Variants in SYT10 observed in about 807,000 individuals in gnomAD.
SYT10 encodes synaptotagmin 10, also known as synaptotagmin-10.
SYT10 carries 31 observed loss-of-function variants against 51.1 expected under a neutral mutation model. The observed-to-expected ratio is 0.61, with a 90% CI of 0.46 to 0.82. The LOEUF (loss-of-function observed/expected upper bound fraction) is 0.82, where lower values mean the gene tolerates loss of function less well. SYT10 is among the 40% of genes least tolerant of loss of function. The pLI is 0.00. For synonymous variants in SYT10, 233 were observed against 225.9 expected, an observed-to-expected ratio of 1.03 and a Z score of -0.28; for missense variants, 603 against 634.0, an observed-to-expected ratio of 0.95 and a Z score of 0.53.
rs1434515199 is a variant in SYT10 at position 33,380,011 on chromosome 12, G to A, written c.1371-50C>T. ...TTCATTTCCAACATTCAAAGATAAA[G>A]GGGGTTTCACAAATCGTAGTAGAAT... On this transcript the variant is annotated intron_variant, in intron 5 of 6. Coordinates refer to ENST00000228567, the MANE Select transcript of SYT10 (RefSeq NM_198992.4). The A allele has an allele frequency of 1.8e-5, 27 of 1,534,418 alleles. 1 individual carries two copies. Among genetic ancestry groups the A allele is most frequent in the Non-Finnish European group, 2.3e-5 (26 of 1,134,154 alleles).
At chr12:33,387,864 C>T (rs1866170722) in intron 3 of SYT10, among the ~76,000 whole-genome samples, 1 of 151,982 alleles carries the variant, frequency 6.6e-6, no homozygotes. Context: ...ATCCTCCCAC[C>T]ACAGCCTAGC....
intron 3 of SYT10, among the ~76,000 whole-genome samples, chr12:33,394,766 C>T (rs1866239184): frequency 6.6e-6 from 1 of 152,192 alleles, no homozygotes; most frequent in Non-Finnish European, 1.5e-5. Context: ...CCTGTACTTT[C>T]GTACTTTACT....
At chr12:33,383,818 C>G (rs1866136332) in intron 4 of SYT10, among the ~76,000 whole-genome samples, 4 of 152,080 alleles carry the variant, frequency 2.6e-5, no homozygotes, top group Non-Finnish European at 5.9e-5. Context: ...GCATGCGCTC[C>G]TCCGATGAAA....
At chr12:33,426,775 T>A (rs2138433413) in intron 1 of SYT10, among the ~76,000 whole-genome samples, 1 of 152,230 alleles carries the variant, frequency 6.6e-6, no homozygotes, top group East Asian at 1.9e-4. Context: ...GGTTCAAGAT[T>A]TTGCAAACAA....
chr12:33,416,038 T>A (rs1866450190), intron 2 of SYT10, among the ~76,000 whole-genome samples: 2 of 147,082 alleles, frequency 1.4e-5, no homozygotes, highest in African/African-American at 5.0e-5. Flanking sequence ...GCCAGTGAAG[T>A]AACAGTTTCC....
chr12:33,428,549 T>A (rs1866570599), intron 1 of SYT10, among the ~76,000 whole-genome samples: 2 of 152,154 alleles, frequency 1.3e-5, no homozygotes, highest in Admixed American at 6.5e-5. Flanking sequence ...AACAAGTATA[T>A]CTTTAGTGAA....
chr12:33,416,039 A>T (rs943573357), intron 2 of SYT10, among the ~76,000 whole-genome samples: 4 of 146,604 alleles, frequency 2.7e-5, no homozygotes, highest in Admixed American at 1.4e-4. Flanking sequence ...CCAGTGAAGT[A>T]ACAGTTTCCT....
chr12:33,381,646 A>AT (rs1299384939), intron 5 of SYT10, among the ~76,000 whole-genome samples: 1 of 152,130 alleles, frequency 6.6e-6, no homozygotes, highest in Non-Finnish European at 1.5e-5. Flanking sequence ...TTGGTGGGAC[A>AT]TGATACACAA....
chr12:33,427,835 T>C (rs1866565258), intron 1 of SYT10, among the ~76,000 whole-genome samples: 1 of 152,232 alleles, frequency 6.6e-6, no homozygotes, highest in Admixed American at 6.5e-5. Context: ...CAAAAAATTT[T>C]AAATGACTTT....
chr12:33,382,071 T>C (rs1866119901), intron 5 of SYT10, among the ~76,000 whole-genome samples: 1 of 152,178 alleles, frequency 6.6e-6, no homozygotes, highest in East Asian at 1.9e-4. Flanking sequence ...GTTGTTACTA[T>C]AAAAAGACTC....
intron 1 of SYT10, among the ~76,000 whole-genome samples, chr12:33,431,147 GGAA>G (rs777744959): frequency 1.1e-4 from 16 of 152,070 alleles, no homozygotes; most frequent in Admixed American, 5.9e-4. Context: ...GCAGCTGGAT[GGAA>G]GAAGAAGATG....
At chr12:33,419,472 G>A (rs1313749394) in intron 2 of SYT10, among the ~76,000 whole-genome samples, 1 of 152,104 alleles carries the variant, frequency 6.6e-6, no homozygotes, top group Non-Finnish European at 1.5e-5. Context: ...ATTATTTAAA[G>A]AGATAGCTAA....
intron 3 of SYT10, chr12:33,405,104 T>G (rs1370819066): frequency 1.3e-5 from 2 of 152,166 alleles, no homozygotes; most frequent in East Asian, 1.9e-4. Flanking sequence ...CCTGAATATA[T>G]GTACATAACA....
intron 2 of SYT10, among the ~76,000 whole-genome samples, chr12:33,410,127 A>T (rs778509804): frequency 1.3e-5 from 2 of 152,196 alleles, no homozygotes; most frequent in African/African-American, 2.4e-5. Flanking sequence ...TTGAGGCAGG[A>T]AACATTAAGT....
At chr12:33,422,964 G>A (rs763789406) in intron 2 of SYT10, among the ~76,000 whole-genome samples, 26 of 152,174 alleles carry the variant, frequency 1.7e-4, no homozygotes, top group Non-Finnish European at 4.4e-5. Flanking sequence ...TTAAATATAT[G>A]TTGAATAAGG....
chr12:33,411,398 C>A (rs1381839750), intron 2 of SYT10, among the ~76,000 whole-genome samples: 1 of 151,944 alleles, frequency 6.6e-6, no homozygotes, highest in East Asian at 1.9e-4. Flanking sequence ...TGGAAGGGAG[C>A]ACAAATGTTT....
intron 1 of SYT10, among the ~76,000 whole-genome samples, chr12:33,429,425 T>C (rs1254165562): frequency 6.6e-6 from 1 of 152,192 alleles, no homozygotes; most frequent in Non-Finnish European, 1.5e-5. Flanking sequence ...GAAACTTGAA[T>C]AGGAAAACAT....
At chr12:33,385,718 T>A (rs1866151737) in intron 3 of SYT10, among the ~76,000 whole-genome samples, 1 of 152,174 alleles carries the variant, frequency 6.6e-6, no homozygotes, top group Admixed American at 6.5e-5. Context: ...ACAAAATATA[T>A]CCCAAATCAG....
At chr12:33,392,985 T>TTAAAAA (rs371711977) in intron 3 of SYT10, among the ~76,000 whole-genome samples, 3 of 59,088 alleles carry the variant, frequency 5.1e-5, no homozygotes, top group Admixed American at 2.2e-4. Flanking sequence ...TTTTTGCCAT[T>TTAAAAA]AAAAAAAAAA....
Sources: gnomAD v4.1 joint callset for allele counts (sites outside exome capture counted in the v4.1 genomes callset) on GRCh38, gnomAD v4.1.1 for gene constraint, MANE v1.5 for transcripts, NCBI Gene and HGNC (gene_info 2026-07-23, HGNC 2026-07-21) for gene names.